Variants in C6orf52 observed in about 807,000 individuals in gnomAD.
The protein encoded by C6orf52 is chromosome 6 open reading frame 52.
C6orf52 carries 16 observed loss-of-function variants against 16.6 expected under a neutral mutation model. The ratio of observed to expected loss-of-function variants is 0.96; its 90% confidence interval spans 0.65 to 1.46. The LOEUF (loss-of-function observed/expected upper bound fraction) is 1.46. Ranked by LOEUF, C6orf52 falls within the 40% of genes most tolerant of loss-of-function variation. C6orf52 has a pLI of 0.00. For synonymous variants in C6orf52, 53 were observed against 61.4 expected, an observed-to-expected ratio of 0.86 and a Z score of 0.64; for missense variants, 166 against 182.3, an observed-to-expected ratio of 0.91 and a Z score of 0.52.
intron 3 of C6orf52, among the ~76,000 whole-genome samples, chr6:10,683,859 G>C (rs776233096): frequency 7.2e-5 from 11 of 152,124 alleles, no homozygotes; most frequent in Non-Finnish European, 4.4e-5. Flanking sequence ...GGCAGCATAC[G>C]TTTTTATGAT....
At position 10,677,456 on chromosome 6, in the gene C6orf52, CT is replaced by C. The variant is rs572571864; in HGVS notation, c.316+5730del. Among the ~76,000 whole-genome samples the C allele has an allele frequency of 5.5e-3, 733 of 133,810 alleles. 2 individuals carry two copies. Among genetic ancestry groups the C allele is most frequent in the Non-Finnish European group, 5.8e-3 (354 of 60,786 alleles). The allele number at this position is 133,810 out of a possible 152,430, so 87.8% of individuals were successfully genotyped here. A position where few individuals can be genotyped will look rare whatever the true frequency, so the allele number is the denominator to read the frequency against. Reference sequence around the variant, plus strand: ...AGTCAGGTAGTGTGATGCCTTCACCCTTTTTTTTTTTTGGCTCAGATTGCTT... The same window carrying C: ...AGTCAGGTAGTGTGATGCCTTCACCCTTTTTTTTTTTGGCTCAGATTGCTT... On this transcript the variant is annotated intron_variant, in intron 4 of 4. Transcript: ENST00000259983.
At chr6:10,686,655 A>G (rs1380290161) in intron 3 of C6orf52, among the ~76,000 whole-genome samples, 1 of 152,240 alleles carries the variant, frequency 6.6e-6, no homozygotes, top group Non-Finnish European at 1.5e-5. Context: ...AGACTTCATT[A>G]GCTTTTTGTG....
intron 1 of C6orf52, among the ~76,000 whole-genome samples, chr6:10,694,086 C>A (rs776142652): frequency 6.6e-6 from 1 of 151,932 alleles, no homozygotes; most frequent in African/African-American, 2.4e-5. Flanking sequence ...ATGGAGAAAC[C>A]CTGTCTCTAC....
intron 4 of C6orf52, among the ~76,000 whole-genome samples, chr6:10,673,858 G>GA (rs1184558597): frequency 1.3e-5 from 2 of 151,250 alleles, no homozygotes; most frequent in Non-Finnish European, 3.0e-5. Context: ...GCCATTAAAA[G>GA]AAAAAAAATA....
intron 3 of C6orf52, among the ~76,000 whole-genome samples, chr6:10,686,574 CTATA>C (rs146135454): frequency 6.6e-6 from 1 of 151,426 alleles, no homozygotes; most frequent in African/African-American, 2.5e-5. Flanking sequence ...ACCTTTTGTC[CTATA>C]TAGTGTTAAA....
At chr6:10,686,565 C>T (rs962028956) in intron 3 of C6orf52, among the ~76,000 whole-genome samples, 13 of 151,694 alleles carry the variant, frequency 8.6e-5, no homozygotes, top group African/African-American at 3.2e-4. Context: ...CCCAAAACTA[C>T]CTTTTGTCCT....
intron 4 of C6orf52, among the ~76,000 whole-genome samples, chr6:10,680,807 A>G (rs1170215270): frequency 1.3e-5 from 2 of 152,094 alleles, no homozygotes; most frequent in African/African-American, 2.4e-5. Context: ...CTTTGATGGG[A>G]GACTTTTTTT....
intron 1 of C6orf52, among the ~76,000 whole-genome samples, chr6:10,694,017 T>C (rs1452482461): frequency 6.6e-6 from 1 of 152,150 alleles, no homozygotes; most frequent in East Asian, 1.9e-4. Flanking sequence ...CCAGCAACTT[T>C]GGGAGGTCGA....
Position 10,689,326 on chromosome 6 carries a change from C to G in C6orf52, c.-11-1765G>C, listed in dbSNP as rs187523480. Among the ~76,000 whole-genome samples the G allele has an allele frequency of 7.4e-4, 112 of 152,300 alleles. 1 individual carries two copies. Among genetic ancestry groups the G allele is most frequent in the Non-Finnish European group, 2.5e-4 (17 of 68,030 alleles). On this transcript the variant is annotated intron_variant, in intron 1 of 4. Coordinates refer to ENST00000259983, the MANE Select transcript of C6orf52 (RefSeq NM_001145020.3). Reference sequence around the variant, plus strand: ...CATCCAGGGATGCAGAACCCACAGACGCTGAGGGCCGATGGTATCCGCAAG... The same window carrying G: ...CATCCAGGGATGCAGAACCCACAGAGGCTGAGGGCCGATGGTATCCGCAAG...
chr6:10,676,928 A>T (rs553137716), intron 4 of C6orf52, among the ~76,000 whole-genome samples: 134 of 152,138 alleles, frequency 8.8e-4, no homozygotes, highest in African/African-American at 3.1e-3. Flanking sequence ...CTTCATAATC[A>T]CTTGCATAGC....
chr6:10,679,568 TAA>T (rs1005395904), intron 4 of C6orf52, among the ~76,000 whole-genome samples: 18 of 120,440 alleles, frequency 1.5e-4, no homozygotes, highest in Admixed American at 3.0e-4. Flanking sequence ...TCTAACTTGT[TAA>T]AAAAAAAAAA....
intron 4 of C6orf52, among the ~76,000 whole-genome samples, chr6:10,675,934 C>A (rs987272786): frequency 6.6e-6 from 1 of 150,826 alleles, no homozygotes; most frequent in Non-Finnish European, 1.5e-5. Context: ...GAGTTTGAGA[C>A]CAGTCTGGCC....
chr6:10,675,903 G>A (rs1316611292), intron 4 of C6orf52, among the ~76,000 whole-genome samples: 1 of 152,164 alleles, frequency 6.6e-6, no homozygotes, highest in Non-Finnish European at 1.5e-5. Flanking sequence ...AGGCCAAGGT[G>A]GGTGGATCAC....
chr6:10,694,322 G>A (rs1769653017), intron 1 of C6orf52, among the ~76,000 whole-genome samples, 172 bp downstream of exon 1: 1 of 151,610 alleles, frequency 6.6e-6, no homozygotes, highest in Non-Finnish European at 1.5e-5. Context: ...CGCAACCTTG[G>A]CCAATACAGC....
At chr6:10,681,227 CTA>C (rs1768360435) in intron 4 of C6orf52, among the ~76,000 whole-genome samples, 1 of 152,148 alleles carries the variant, frequency 6.6e-6, no homozygotes, top group African/African-American at 2.4e-5. Context: ...CTCATTTCTT[CTA>C]TGTTATCCAA....
intron 1 of C6orf52, among the ~76,000 whole-genome samples, chr6:10,689,059 C>G (rs1437941424): frequency 1.3e-5 from 2 of 152,238 alleles, no homozygotes; most frequent in African/African-American, 2.4e-5. Flanking sequence ...CTCACTGCAA[C>G]CTGTGCCTCC....
chr6:10,692,126 G>A (rs913576271), intron 1 of C6orf52, among the ~76,000 whole-genome samples: 2 of 152,180 alleles, frequency 1.3e-5, no homozygotes, highest in African/African-American at 4.8e-5. Flanking sequence ...AGAAGTAACA[G>A]AATATACAAA....
intron 3 of C6orf52, among the ~76,000 whole-genome samples, chr6:10,686,335 C>G (rs1027341477): frequency 8.6e-5 from 13 of 151,972 alleles, no homozygotes; most frequent in African/African-American, 3.1e-4. Flanking sequence ...ATTGATTTAG[C>G]AAGAGTACAG....
chr6:10,688,099 GAA>G (rs1769007918), intron 1 of C6orf52, among the ~76,000 whole-genome samples: 1 of 151,454 alleles, frequency 6.6e-6, no homozygotes. Context: ...AGGCAGAGAA[GAA>G]CGCGCTCCCT....
Sources: allele counts gnomAD v4.1 joint callset (sites outside exome capture counted in the v4.1 genomes callset), GRCh38; gene constraint gnomAD v4.1.1; transcripts MANE v1.5; gene names NCBI Gene and HGNC (gene_info 2026-07-23, HGNC 2026-07-21).